Variants in TTYH2 observed in about 807,000 individuals in gnomAD.
The protein encoded by TTYH2 is tweety family member 2, also known as protein tweety homolog 2.
Under a neutral mutation model 68.3 loss-of-function variants are expected in TTYH2, and 49 were observed. The ratio of observed to expected loss-of-function variants is 0.72; its 90% confidence interval spans 0.57 to 0.91. The LOEUF (loss-of-function observed/expected upper bound fraction) is 0.91. Ranked by LOEUF, TTYH2 falls within the 40% of genes least tolerant of loss-of-function variation. The pLI, the probability that TTYH2 is intolerant of heterozygous loss-of-function variation, is 0.00. For missense variants in TTYH2, 631 were observed against 700.4 expected (o/e 0.90, Z 1.12); for synonymous variants, 272 against 300.8 (o/e 0.90, Z 0.99).
intron 2 of TTYH2, among the ~76,000 whole-genome samples, chr17:74,230,193 G>A (rs1326428605): frequency 6.6e-6 from 1 of 152,066 alleles, no homozygotes; most frequent in South Asian, 2.1e-4. Flanking sequence ...GCAGAGCACA[G>A]AGGAATTTTA....
At chr17:74,245,735 A>G (rs1172899358) in intron 6 of TTYH2, among the ~76,000 whole-genome samples, 1 of 152,160 alleles carries the variant, frequency 6.6e-6, no homozygotes, top group East Asian at 1.9e-4. Flanking sequence ...TTTAATAGGA[A>G]GCCGGGTGAG....
Position 74,252,304 on chromosome 17 carries a change from C to T in TTYH2, c.1187C>T (p.Ser396Phe). ...LQGLLYLGLF[S>F]FLAALAFSTM... Reference sequence around the variant, plus strand: ...GGCTTGCTGTACCTTGGCCTCTTCTCCTTCCTGGCCGCCCTCGCCTTCTCC... The same window carrying T: ...GGCTTGCTGTACCTTGGCCTCTTCTTCTTCCTGGCCGCCCTCGCCTTCTCC... Residue 396 changes from serine to phenylalanine, a missense_variant, in exon 11 of 14, where the codon TCC (serine) becomes TTC (phenylalanine). Transcript: ENST00000269346. 1 of 1,613,906 alleles carries T rather than the reference C, an allele frequency of 6.2e-7. No homozygotes were observed. Among genetic ancestry groups the T allele is most frequent in the South Asian group, 1.1e-5 (1 of 91,080 alleles).
intron 13 of TTYH2, among the ~76,000 whole-genome samples, chr17:74,255,915 G>T (rs1171670627): frequency 6.6e-6 from 1 of 152,194 alleles, no homozygotes; most frequent in African/African-American, 2.4e-5. Context: ...AAGCACTGGG[G>T]CCCAAATACC....
chr17:74,247,972 G>T (rs1384632525), intron 6 of TTYH2: 1 of 152,236 alleles, frequency 6.6e-6, no homozygotes, highest in Admixed American at 6.5e-5. Flanking sequence ...TAAGTGCTGT[G>T]ATGCACTAAC....
chr17:74,225,307 T>C (rs188820401), intron 2 of TTYH2, among the ~76,000 whole-genome samples: 56 of 150,466 alleles, frequency 3.7e-4, no homozygotes, highest in African/African-American at 1.3e-3. Flanking sequence ...GGGTGAGCAA[T>C]GAGTGGCAGT....
In TTYH2 at chr17:74,250,036, A is replaced by G; in HGVS notation, c.1023+8A>G. On this transcript the variant is annotated splice_region_variant and intron_variant, in intron 9 of 13. Coordinates refer to ENST00000269346, the MANE Select transcript of TTYH2 (RefSeq NM_032646.6). ...CTCTTCTCCACTGCAGAGGTAAGGC[A>G]GCTGTGCAGGAAGAGGGGAGCCCCA... 3.7e-6 allele frequency: 6 copies of G among 1,613,924 alleles called. No individual in the cohort carries two copies. Among genetic ancestry groups the G allele is most frequent in the Non-Finnish European group, 5.1e-6 (6 of 1,179,864 alleles).
rs922818566 is a variant in TTYH2 at position 74,239,839 on chromosome 17, T to C, written c.635+2325T>C. ...CCAAAACAGGGGTGTCTGATGATTC[T>C]CCTGATGCATGGGCCATTCATTGCC... On this transcript the variant is annotated intron_variant, in intron 4 of 13. Coordinates refer to ENST00000269346, the MANE Select transcript of TTYH2 (RefSeq NM_032646.6). The surrounding 1 kb of genome is among the most constrained non-coding windows in gnomAD (Gnocchi z 5.3). Among the ~76,000 whole-genome samples, 1 of 152,204 alleles carries C rather than the reference T, an allele frequency of 6.6e-6. No homozygotes were observed. Among genetic ancestry groups the C allele is most frequent in the African/African-American group, 2.4e-5 (1 of 41,458 alleles).
At position 74,213,711 on chromosome 17, in the gene TTYH2, C is replaced by G. The variant is rs752550748; in HGVS notation, c.124C>G (p.Gln42Glu). ...STFSPGDESY[Q>E]ESLLFLGLVA... Reference sequence around the variant, plus strand: ...CTTCAGCCCCGGCGACGAGAGTTACCAGGAGGTAAGTTTACGCCGCCCCAG... The same window carrying G: ...CTTCAGCCCCGGCGACGAGAGTTACGAGGAGGTAAGTTTACGCCGCCCCAG... The change falls in exon 1 of 14, where the codon CAG (glutamine) becomes GAG (glutamate). Residue 42 changes from glutamine (Q) to glutamate (E), a missense_variant. Physicochemically the swap from Gln to Glu is conservative, Grantham distance 29 (BLOSUM62 2). Transcript: ENST00000269346. This position sits in a 1 kb window ranked among gnomAD's most constrained non-coding sequence, Gnocchi z 6.1. The G allele has an allele frequency of 1.2e-5, 20 of 1,611,340 alleles. No individual in the cohort carries two copies. The highest frequency in any genetic ancestry group is 1.7e-5 in the Non-Finnish European group (20 of 1,178,926).
rs56348004 is a variant in TTYH2, at chr17:74,230,257, A to ATTTT, written c.303-623_303-620dup. Among the ~76,000 whole-genome samples the ATTTT allele has an allele frequency of 2.7e-3, 410 of 149,564 alleles. 1 individual carries two copies. Among genetic ancestry groups the ATTTT allele is most frequent in the African/African-American group, 9.5e-3 (389 of 40,848 alleles). On this transcript the variant is annotated intron_variant, in intron 2 of 13. Coordinates refer to ENST00000269346, the MANE Select transcript of TTYH2 (RefSeq NM_032646.6). ...GTAATGGTGGACACGTCATTTTTTC[A>ATTTT]TTTTTTTTTTTAATTTTTGCAGAGA...
rs997876209 is a variant in TTYH2 at position 74,260,525 on chromosome 17, G to A, written c.*316G>A. 16 of 384,550 alleles carry A rather than the reference G, an allele frequency of 4.2e-5. No individual in the cohort carries two copies. Among genetic ancestry groups the A allele is most frequent in the African/African-American group, 3.3e-4 (16 of 49,058 alleles). 23.8% of individuals were successfully genotyped at this position (384,550 alleles called of 1,614,324 possible). ...GCCTCGCCCTTGCCAGGAGGGGAGT[G>A]GCAGTGAGGAGGGGGCCAGGTCAGG... On this transcript the variant is annotated 3_prime_UTR_variant, in exon 14 of 14. Transcript: ENST00000269346.
rs1468562462 is a variant in TTYH2, at chr17:74,239,383, C to G, written c.635+1869C>G. Among the ~76,000 whole-genome samples, 4 of 152,216 alleles carry G rather than the reference C, an allele frequency of 2.6e-5. No individual in the cohort carries two copies. Among genetic ancestry groups the G allele is most frequent in the Admixed American group, 2.0e-4 (3 of 15,282 alleles). On this transcript the variant is annotated intron_variant, in intron 4 of 13. Transcript: ENST00000269346. The surrounding 1 kb of genome is among the most constrained non-coding windows in gnomAD (Gnocchi z 5.3). ...GAGTCAGGAGGAGCGAGTGTCAGTT[C>G]TTTGGATCCCTCCCCGCACCCTCCA...
At chr17:74,234,079 C>T (rs993799776) in intron 3 of TTYH2, among the ~76,000 whole-genome samples, 5 of 152,212 alleles carry the variant, frequency 3.3e-5, no homozygotes, top group African/African-American at 1.2e-4. Flanking sequence ...CAGAAGTTTT[C>T]ATACTTGAGC....
At chr17:74,224,756 T>C (rs2050313069) in intron 2 of TTYH2, among the ~76,000 whole-genome samples, 1 of 152,128 alleles carries the variant, frequency 6.6e-6, no homozygotes, top group Non-Finnish European at 1.5e-5. Context: ...TCCCAGCACT[T>C]TGGGAGGCCA....
At chr17:74,240,635 G>A (rs2050490121) in intron 4 of TTYH2, among the ~76,000 whole-genome samples, 1 of 152,144 alleles carries the variant, frequency 6.6e-6, no homozygotes, top group Non-Finnish European at 1.5e-5. Flanking sequence ...TAACCATGCA[G>A]CAAAGCAGAT....
Position 74,241,584 on chromosome 17 carries a change from T to C in TTYH2, c.636-1790T>C, listed in dbSNP as rs1220261002. Among the ~76,000 whole-genome samples, 11 of 151,800 alleles carry C rather than the reference T, an allele frequency of 7.2e-5. No individual in the cohort carries two copies. Among genetic ancestry groups the C allele is most frequent in the Admixed American group, 7.2e-4 (11 of 15,258 alleles). On this transcript the variant is annotated intron_variant, in intron 4 of 13. Coordinates refer to ENST00000269346, the MANE Select transcript of TTYH2 (RefSeq NM_032646.6). The surrounding 1 kb of genome is among the most constrained non-coding windows in gnomAD (Gnocchi z 4.1). ...GGCCTCCAGCTTGCTCCCTCCCCTC[T>C]CTCCCTCGGAGCCTCTTTGCCACTT...
rs200394087 is a variant in TTYH2 at position 74,243,448 on chromosome 17, G to A, written c.710G>A (p.Arg237His). 8.2e-5 allele frequency: 133 copies of A among 1,614,002 alleles called. No individual in the cohort carries two copies. The Admixed American group carries it at 1.3e-3, about 15-fold the overall frequency. Residue 237 changes from arginine to histidine, a missense_variant, in exon 5 of 14, where the codon CGC (arginine) becomes CAC (histidine). Physicochemically the swap from Arg to His is conservative, Grantham distance 29. Transcript: ENST00000269346. The stretch of plus-strand genomic sequence containing the variant: ...ATTGCCTGCCTGGGACTGGCCAAGC[G>A]CTCCAAGTGTCTCCTGGCCTCGTGA... The part of the protein sequence containing the change: ...CLIACLGLAK[R>H]SKCLLASMLC...
chr17:74,247,346 C>T (rs139674501), intron 6 of TTYH2, among the ~76,000 whole-genome samples: 207 of 152,270 alleles, frequency 1.4e-3, no homozygotes, highest in African/African-American at 4.8e-3. Context: ...GACATGCACA[C>T]ACACAAGGGC....
chr17:74,216,217 AG>A lies in TTYH2; in HGVS notation c.129+2502del, dbSNP rs545564114. The stretch of plus-strand genomic sequence containing the variant: ...CCCTGCTGGGGAATGGAGAGGAAGG[AG>A]ATCTCTTCCACAGACTCTGATTGGG... On this transcript the variant is annotated intron_variant, in intron 1 of 13. Transcript: ENST00000269346. Among the ~76,000 whole-genome samples, 15 of 152,302 alleles carry A rather than the reference AG, an allele frequency of 9.8e-5. No individual in the cohort carries two copies. In the South Asian group the frequency reaches 2.9e-3, roughly 29 times the overall value.
At chr17:74,243,345 C>G in intron 4 of TTYH2, 29 bp from the exon 5 acceptor site, 2 of 1,598,284 alleles carry the variant, frequency 1.3e-6, no homozygotes, top group South Asian at 2.2e-5. Flanking sequence ...CACCCTGCTG[C>G]TCCTGACCAT....
Sources: gnomAD v4.1 joint callset for allele counts (sites outside exome capture counted in the v4.1 genomes callset) on GRCh38, gnomAD v4.1.1 for gene constraint, Gnocchi (gnomAD v3.1) non-coding constraint, MANE v1.5 for transcripts, NCBI Gene and HGNC (gene_info 2026-07-23, HGNC 2026-07-21) for gene names.